Variants in PSMF1 observed in about 807,000 individuals in gnomAD.
PSMF1 encodes the protein proteasome inhibitor subunit 1, also known as proteasome inhibitor PI31 subunit.
In PSMF1, 30 loss-of-function variants were observed where a neutral mutation model predicts 29.3. The ratio of observed to expected loss-of-function variants is 1.02; its 90% CI spans 0.77 to 1.39. The LOEUF (loss-of-function observed/expected upper bound fraction) is 1.39, where lower values mean the gene tolerates loss of function less well. Among genes scored for constraint, PSMF1 ranks in the 40% most tolerant of loss-of-function variants. The probability of loss-of-function intolerance (pLI) is 0.00; values close to 1 mark genes in which losing one functional copy is unlikely to be tolerated. For missense variants in PSMF1, 344 were observed against 357.5 expected (o/e 0.96, Z 0.31); for synonymous variants, 134 against 139.7 (o/e 0.96, Z 0.29).
Position 1,118,657 on chromosome 20 carries a change from C to G in PSMF1, c.-117C>G, listed in dbSNP as rs142307914. The G allele has an allele frequency of 1.5e-6, 2 of 1,298,072 alleles. No homozygotes were observed. The highest frequency in any genetic ancestry group is 2.1e-6 in the Non-Finnish European group (2 of 969,426). 80.4% of individuals were successfully genotyped at this position (1,298,072 alleles called of 1,614,324 possible). On this transcript the variant is annotated 5_prime_UTR_variant, in exon 1 of 7. Coordinates refer to ENST00000335877, the MANE Select transcript of PSMF1 (RefSeq NM_006814.5). ...TCTCCATTTTGGTCTCAGGTGTGGA[C>G]TCGGCAAGAACCAGCGCAAGAGGGA... is the stretch of plus-strand genomic sequence containing the variant.
intron 4 of PSMF1, among the ~76,000 whole-genome samples, chr20:1,152,447 T>G (rs2086543153): frequency 6.6e-6 from 1 of 152,206 alleles, no homozygotes; most frequent in Admixed American, 6.5e-5. Flanking sequence ...CTCCAAATAC[T>G]GGTTTGAACA....
chr20:1,150,773 ATC>A (rs1279830096), intron 4 of PSMF1, among the ~76,000 whole-genome samples: 2 of 151,838 alleles, frequency 1.3e-5, no homozygotes, highest in African/African-American at 4.8e-5. Context: ...TTTTTATGTA[ATC>A]TAGCTTATCA....
At chr20:1,117,396 G>C (rs1346357968), upstream of PSMF1, among the ~76,000 whole-genome samples, 1 of 150,832 alleles carries the variant, frequency 6.6e-6, no homozygotes, top group Non-Finnish European at 1.5e-5. Flanking sequence ...GAAGTGCAAT[G>C]GTGCGATCTT....
In PSMF1 at chr20:1,118,854, T is replaced by C. The variant is rs766845008; in HGVS notation, c.81T>C (p.His27=). The C allele has an allele frequency of 1.5e-5, 25 of 1,613,824 alleles. No homozygotes were observed. The Middle Eastern group carries it at 8.2e-4, about 53-fold the overall frequency. The change falls in exon 1 of 7, where the codon CAT becomes CAC. Residue 27 remains histidine, a synonymous_variant. Coordinates refer to ENST00000335877, the MANE Select transcript of PSMF1 (RefSeq NM_006814.5). The stretch of plus-strand genomic sequence containing the variant: ...AGGACGCGCTCGTCTGCTTCTTGCA[T>C]TGGGAAGTGGTGACACACGGTTACT... ...CRQDALVCFL[H]WEVVTHGYFG...
At position 1,135,263 on chromosome 20, in the gene PSMF1, C is replaced by T. The variant is rs764234297; in HGVS notation, c.508C>T (p.Arg170Trp). The change falls in exon 4 of 7, where the codon CGG (arginine) becomes TGG (tryptophan). Residue 170 changes from arginine (R) to tryptophan (W), a missense_variant. Transcript: ENST00000335877. Reference sequence around the variant, plus strand: ...TACCGCCAGAGAGGTGGACCCACTCCGGATTCCTCCACACCACCCACACAC... The same window carrying T: ...TACCGCCAGAGAGGTGGACCCACTCTGGATTCCTCCACACCACCCACACAC... Reference protein sequence around the residue: ...PATAREVDPLRIPPHHPHTSR... With the variant: ...PATAREVDPLWIPPHHPHTSR... 6 of 1,613,932 alleles carry T rather than the reference C, an allele frequency of 3.7e-6. No individual in the cohort carries two copies. The highest frequency in any genetic ancestry group is 2.2e-5 in the South Asian group (2 of 91,050).
chr20:1,150,593 C>T (rs1247237271), intron 4 of PSMF1, among the ~76,000 whole-genome samples: 2 of 152,012 alleles, frequency 1.3e-5, no homozygotes, highest in East Asian at 1.9e-4. Flanking sequence ...ATCTCTTGTT[C>T]ATTTTTCTAT....
At chr20:1,141,780 A>G (rs2086383744) in intron 4 of PSMF1, among the ~76,000 whole-genome samples, 1 of 152,230 alleles carries the variant, frequency 6.6e-6, no homozygotes, top group African/African-American at 2.4e-5. Context: ...ATCCCAAGGA[A>G]TCTACCAAAA....
chr20:1,115,140 T>C (rs2085999739), upstream of PSMF1, among the ~76,000 whole-genome samples: 1 of 121,830 alleles, frequency 8.2e-6, no homozygotes, highest in African/African-American at 3.2e-5. Context: ...GTGACGGAGC[T>C]GTCTGCCCTG....
intron 4 of PSMF1, among the ~76,000 whole-genome samples, chr20:1,136,397 A>C (rs917952661): frequency 5.9e-5 from 9 of 152,214 alleles, no homozygotes; most frequent in African/African-American, 1.9e-4. Flanking sequence ...AAGATTTAAG[A>C]ATAAGCCCTG....
intron 3 of PSMF1, among the ~76,000 whole-genome samples, chr20:1,130,900 C>T (rs1004470597): frequency 6.6e-6 from 1 of 152,246 alleles, no homozygotes; most frequent in African/African-American, 2.4e-5. Flanking sequence ...AGATATTTTA[C>T]ATTTACCTTC....
At chr20:1,122,385 T>C in intron 1 of PSMF1, among the ~76,000 whole-genome samples, 1 of 151,544 alleles carries the variant, frequency 6.6e-6, no homozygotes, top group African/African-American at 2.4e-5. Flanking sequence ...CTGTAACCTC[T>C]GCCTCCTGGG....
chr20:1,157,758 G>GT lies in PSMF1; in HGVS notation c.552-5360dup, dbSNP rs572131454. Among the ~76,000 whole-genome samples the GT allele has an allele frequency of 7.8e-3, 1,128 of 143,966 alleles. 14 individuals are homozygous for GT. Among genetic ancestry groups the GT allele is most frequent in the African/African-American group, 0.023 (892 of 39,542 alleles). 94.4% of individuals were successfully genotyped at this position (143,966 alleles called of 152,430 possible). ...CCTTCAGTAAGCACCTCAGCAGGTC[G>GT]TTTTTTTTTTTTCCTGGTGGAGTGA... On this transcript the variant is annotated intron_variant, in intron 4 of 6. Coordinates refer to ENST00000335877, the MANE Select transcript of PSMF1 (RefSeq NM_006814.5).
At chr20:1,154,966 T>C (rs2086575276) in intron 4 of PSMF1, among the ~76,000 whole-genome samples, 1 of 152,244 alleles carries the variant, frequency 6.6e-6, no homozygotes, top group Admixed American at 6.5e-5. Context: ...GTTCTGGTTC[T>C]AGAGTAAGCA....
intron 1 of PSMF1, among the ~76,000 whole-genome samples, chr20:1,123,404 C>CCCCATGGTGAGCAATG (rs1170559357): frequency 6.6e-6 from 1 of 152,164 alleles, no homozygotes; most frequent in Non-Finnish European, 1.5e-5. Context: ...AGTCCACCTG[C>CCCCATGGTGAGCAATG]CCCATGGTGA....
rs1001470558 is a variant in PSMF1 at position 1,167,991 on chromosome 20, C to G, written c.*2911C>G. 1.1e-4 allele frequency: 17 copies of G among 152,384 alleles called. No individual in the cohort carries two copies. Among genetic ancestry groups the G allele is most frequent in the African/African-American group, 4.1e-4 (17 of 41,600 alleles). 9.4% of individuals were successfully genotyped at this position (152,384 alleles called of 1,614,324 possible). A position where few individuals can be genotyped will look rare whatever the true frequency, so the allele number is the denominator to read the frequency against. The stretch of plus-strand genomic sequence containing the variant: ...GAGGGTTCCAGTTTCCCCACATCTT[C>G]ACCAACTCTTGTTATTTTTCATGCT... On this transcript the variant is annotated 3_prime_UTR_variant, in exon 7 of 7. Transcript: ENST00000335877.
chr20:1,165,638 G>A lies in PSMF1; in HGVS notation c.*558G>A. The A allele has an allele frequency of 2.5e-5, 25 of 997,076 alleles. No homozygotes were observed. The highest frequency in any genetic ancestry group is 8.9e-5 in the South Asian group (2 of 22,598). The allele number at this position is 997,076 out of a possible 1,614,324, so 61.8% of individuals were successfully genotyped here. On this transcript the variant is annotated 3_prime_UTR_variant, in exon 7 of 7. Coordinates refer to ENST00000335877, the MANE Select transcript of PSMF1 (RefSeq NM_006814.5). The stretch of plus-strand genomic sequence containing the variant: ...TTGCCATTGCTCCTGACATCACTAA[G>A]ATGGGTCCCCTTCTGGCTGCATGAA...
chr20:1,165,227 C>CTTATCAGAG lies in PSMF1; in HGVS notation c.*148_*156dup. On this transcript the variant is annotated 3_prime_UTR_variant, in exon 7 of 7. Transcript: ENST00000335877. The stretch of plus-strand genomic sequence containing the variant: ...ACCGGCTGGGATAGCCTCCCCACCC[C>CTTATCAGAG]TTATCAGAGCCAAGACACCTGCTGC... 4 of 1,465,540 alleles carry CTTATCAGAG rather than the reference C, an allele frequency of 2.7e-6. No individual in the cohort carries two copies. The highest frequency in any genetic ancestry group is 3.6e-6 in the Non-Finnish European group (4 of 1,108,702). 90.8% of individuals were successfully genotyped at this position (1,465,540 alleles called of 1,614,324 possible). A position where few individuals can be genotyped will look rare whatever the true frequency, so the allele number is the denominator to read the frequency against.
chr20:1,125,478 C>T lies in PSMF1; in HGVS notation c.130-20C>T, dbSNP rs374679608. ...GTTTTGAGTTCATGATCTTTCTCCT[C>T]TCAACTGTGGTCTTCCCAGCCGGGT... is the stretch of plus-strand genomic sequence containing the variant. On this transcript the variant is annotated intron_variant, in intron 1 of 6. Transcript: ENST00000335877. The T allele has an allele frequency of 3.1e-5, 49 of 1,585,028 alleles. No individual in the cohort carries two copies. The highest frequency in any genetic ancestry group is 4.2e-5 in the Non-Finnish European group (49 of 1,167,272).
chr20:1,170,136 G>A lies in PSMF1; in HGVS notation c.*5056G>A, dbSNP rs1337588798. ...GGAAGACCTACCTCCTTGTTACTCA[G>A]ACCACCAGCAACAGCAGCATCACCT... On this transcript the variant is annotated 3_prime_UTR_variant, in exon 7 of 7. Coordinates refer to ENST00000335877, the MANE Select transcript of PSMF1 (RefSeq NM_006814.5). 1.3e-5 allele frequency among the ~76,000 whole-genome samples: 2 copies of A among 152,178 alleles called. No individual in the cohort carries two copies. Among genetic ancestry groups the A allele is most frequent in the Non-Finnish European group, 2.9e-5 (2 of 68,038 alleles).
Sources: allele counts gnomAD v4.1 joint callset (sites outside exome capture counted in the v4.1 genomes callset), GRCh38; gene constraint gnomAD v4.1.1; transcripts MANE v1.5; gene names NCBI Gene and HGNC (gene_info 2026-07-23, HGNC 2026-07-21).